SND1: variants seen among roughly 807,000 people sequenced by gnomAD.
SND1 encodes staphylococcal nuclease domain-containing protein 1.
A neutral mutation model predicts 121.7 loss-of-function variants in SND1; 38 were observed. That is an observed-to-expected ratio of 0.31 (90% CI 0.24 to 0.41). The LOEUF (loss-of-function observed/expected upper bound fraction) is 0.41, where lower values mean the gene tolerates loss of function less well. Among genes scored for constraint, SND1 ranks in the 10% least tolerant of loss-of-function variants. The pLI, the probability that SND1 is intolerant of heterozygous loss-of-function variation, is 1.00. For missense variants in SND1, 868 were observed against 1,184.6 expected, an observed-to-expected ratio of 0.73 and a Z score of 3.92; for synonymous variants, 401 against 447.4, an observed-to-expected ratio of 0.90 and a Z score of 1.31.
rs1461033324 is a variant in SND1 at position 128,091,728 on chromosome 7, G to T, written c.2623-109G>T. 6 of 1,140,754 alleles carry T rather than the reference G, an allele frequency of 5.3e-6. No individual in the cohort carries two copies. The East Asian group carries it at 1.4e-4, about 27-fold the overall frequency. The allele number at this position is 1,140,754 out of a possible 1,614,324, so 70.7% of individuals were successfully genotyped here. A position where few individuals can be genotyped will look rare whatever the true frequency, so the allele number is the denominator to read the frequency against. ...AGGGAACTAAGGCTCCATTGGACAGGCTTGAGCAAGGGAGAGCTCTGGCGC... is the reference window on the plus strand; with the variant it reads ...AGGGAACTAAGGCTCCATTGGACAGTCTTGAGCAAGGGAGAGCTCTGGCGC... On this transcript the variant is annotated intron_variant, in intron 22 of 23. Coordinates refer to ENST00000354725, the MANE Select transcript of SND1 (RefSeq NM_014390.4).
At chr7:127,858,556 G>A in intron 12 of SND1, 1 of 407,950 alleles carries the variant, frequency 2.5e-6, no homozygotes, top group East Asian at 4.7e-5. Context: ...GCCACAATCT[G>A]GACCTTAGCA....
At chr7:128,063,906 A>G (rs1793271364) in intron 16 of SND1, among the ~76,000 whole-genome samples, 1 of 152,240 alleles carries the variant, frequency 6.6e-6, no homozygotes, top group African/African-American at 2.4e-5. Flanking sequence ...AAAATAATGA[A>G]GGCCACAATG....
chr7:127,687,718 C>G (rs1452740489), intron 2 of SND1, among the ~76,000 whole-genome samples: 2 of 152,072 alleles, frequency 1.3e-5, no homozygotes, highest in Non-Finnish European at 2.9e-5. Context: ...GACAAGGTCT[C>G]TGTTGCCCGG....
intron 22 of SND1, chr7:128,089,932 C>T: frequency 4.0e-6 from 2 of 503,708 alleles, no homozygotes; most frequent in Admixed American, 3.2e-5. Context: ...GAAAGCTTCC[C>T]TCCCCATGTA....
chr7:127,864,936 G>A (rs1217983572), intron 12 of SND1, among the ~76,000 whole-genome samples: 1 of 152,192 alleles, frequency 6.6e-6, no homozygotes, highest in Non-Finnish European at 1.5e-5. Context: ...TTTTTATAGG[G>A]TGGGGGTAGA....
chr7:127,829,563 C>T (rs1284388151), intron 11 of SND1, among the ~76,000 whole-genome samples: 3 of 152,186 alleles, frequency 2.0e-5, no homozygotes, highest in African/African-American at 7.2e-5. Flanking sequence ...ATTCTCAACA[C>T]ACTTTCTCTT....
intron 10 of SND1, among the ~76,000 whole-genome samples, chr7:127,732,789 A>G (rs1796702732): frequency 1.3e-5 from 2 of 152,200 alleles, no homozygotes; most frequent in South Asian, 2.1e-4. Flanking sequence ...TAAAATCTCT[A>G]AATCTGTAGT....
chr7:127,945,327 C>T (rs1801304820), intron 15 of SND1, among the ~76,000 whole-genome samples: 1 of 152,042 alleles, frequency 6.6e-6, no homozygotes, highest in African/African-American at 2.4e-5. Context: ...CCCGTCTCTA[C>T]TAAAAATAAA....
intron 15 of SND1, among the ~76,000 whole-genome samples, chr7:127,974,747 C>T (rs972477067): frequency 1.3e-5 from 2 of 152,182 alleles, no homozygotes; most frequent in East Asian, 1.9e-4. Flanking sequence ...TGAAACACTT[C>T]TCTTGTTTTT....
At chr7:127,900,133 A>G (rs1304130528) in intron 13 of SND1, among the ~76,000 whole-genome samples, 1 of 152,154 alleles carries the variant, frequency 6.6e-6, no homozygotes, top group Non-Finnish European at 1.5e-5. Flanking sequence ...TCCCTCAGAA[A>G]ATTCACAGAT....
chr7:127,718,488 G>A (rs1383662242), intron 9 of SND1: 2 of 748,230 alleles, frequency 2.7e-6, no homozygotes, highest in Non-Finnish European at 3.3e-6. Context: ...ACACACACGC[G>A]GACACGCACG....
intron 16 of SND1, among the ~76,000 whole-genome samples, chr7:128,060,641 G>T (rs186213065): frequency 6.6e-6 from 1 of 152,284 alleles, no homozygotes; most frequent in East Asian, 1.9e-4. Context: ...ACTCCTGAGA[G>T]CACTAAAAGA....
intron 14 of SND1, among the ~76,000 whole-genome samples, chr7:127,922,356 C>A (rs1357154381): frequency 6.6e-6 from 1 of 151,806 alleles, no homozygotes; most frequent in Non-Finnish European, 1.5e-5. Flanking sequence ...ATTCCTCTAA[C>A]ATTATTTCAC....
rs548646152 is a variant in SND1 at position 128,075,125 on chromosome 7, G to C, written c.1968+435G>C. ...TTGCCCCGTGGGGAAACAACCCTAG[G>C]AGAGGCCTCTAGCTGTTAGGACAAG... On this transcript the variant is annotated intron_variant, in intron 17 of 23. Transcript: ENST00000354725. Among the ~76,000 whole-genome samples, 12 of 152,342 alleles carry C rather than the reference G, an allele frequency of 7.9e-5. No individual in the cohort carries two copies. The East Asian group carries it at 2.3e-3, about 29-fold the overall frequency.
intron 16 of SND1, among the ~76,000 whole-genome samples, chr7:128,065,754 C>T (rs769735533): frequency 6.6e-6 from 1 of 152,160 alleles, no homozygotes; most frequent in African/African-American, 2.4e-5. Flanking sequence ...AGATAAAGAA[C>T]GGACGCACCG....
chr7:128,014,947 C>T (rs906789152), intron 16 of SND1, among the ~76,000 whole-genome samples: 5 of 152,206 alleles, frequency 3.3e-5, no homozygotes, highest in Admixed American at 2.0e-4. Flanking sequence ...TCCCAGACAG[C>T]TTCCTACCCT....
chr7:127,836,751 C>T (rs559765219), intron 11 of SND1, among the ~76,000 whole-genome samples: 1 of 152,280 alleles, frequency 6.6e-6, no homozygotes, highest in Admixed American at 6.5e-5. Flanking sequence ...CTGGCCACAG[C>T]CACCATCTAC....
At chr7:127,732,987 C>T (rs1796706137) in intron 10 of SND1, among the ~76,000 whole-genome samples, 1 of 152,166 alleles carries the variant, frequency 6.6e-6, no homozygotes, top group Admixed American at 6.5e-5. Flanking sequence ...GATTTACTTC[C>T]TTGATGCCTA....
rs1003601208 is a variant in SND1 at position 128,085,565 on chromosome 7, C to G, written c.2235-146C>G. 72 of 704,962 alleles carry G rather than the reference C, an allele frequency of 1.0e-4. No homozygotes were observed. Among genetic ancestry groups the G allele is most frequent in the Admixed American group, 7.5e-4 (35 of 46,698 alleles). The allele number at this position is 704,962 out of a possible 1,614,324, so 43.7% of individuals were successfully genotyped here. A position where few individuals can be genotyped will look rare whatever the true frequency, so the allele number is the denominator to read the frequency against. On this transcript the variant is annotated intron_variant, in intron 19 of 23. Transcript: ENST00000354725. This position sits in a 1 kb window ranked among gnomAD's most constrained non-coding sequence, Gnocchi z 4.4. ...GTGACCACAGTGGCCGAGGCTGGGC[C>G]TAGATGGAGTGCAGTTACTGTCCCC...
Sources: gnomAD v4.1 joint callset for allele counts (sites outside exome capture counted in the v4.1 genomes callset) on GRCh38, gnomAD v4.1.1 for gene constraint, Gnocchi (gnomAD v3.1) non-coding constraint, MANE v1.5 for transcripts, NCBI Gene and HGNC (gene_info 2026-07-23, HGNC 2026-07-21) for gene names.